Variants in NLGN1 observed in about 807,000 individuals in gnomAD.
NLGN1 encodes neuroligin-1.
In NLGN1, 12 loss-of-function variants were observed where a neutral mutation model predicts 65.5. That is an observed-to-expected ratio of 0.18 (90% CI 0.12 to 0.30). NLGN1 has a LOEUF of 0.30. NLGN1 is among the 10% of genes least tolerant of loss of function. NLGN1 has a pLI of 1.00. For missense variants in NLGN1, 750 were observed against 1,007.1 expected, an observed-to-expected ratio of 0.74 and a Z score of 3.46; for synonymous variants, 350 against 359.5, an observed-to-expected ratio of 0.97 and a Z score of 0.30.
chr3:173,947,978 A>G (rs1231069085), intron 4 of NLGN1, among the ~76,000 whole-genome samples: 2 of 152,236 alleles, frequency 1.3e-5, no homozygotes, highest in African/African-American at 2.4e-5. Flanking sequence ...ATGGTAAAAT[A>G]GCTAACCATG....
intron 4 of NLGN1, among the ~76,000 whole-genome samples, chr3:174,256,255 G>T (rs1030512870): frequency 2.0e-5 from 3 of 152,172 alleles, no homozygotes; most frequent in African/African-American, 7.2e-5. Context: ...AATACACCCA[G>T]TGACAACTTG....
At chr3:173,506,299 A>T (rs939673826) in intron 2 of NLGN1, among the ~76,000 whole-genome samples, 7 of 152,076 alleles carry the variant, frequency 4.6e-5, no homozygotes, top group Non-Finnish European at 2.9e-5. Context: ...TATATTTCAG[A>T]TTTTAACGAA....
intron 2 of NLGN1, among the ~76,000 whole-genome samples, chr3:173,554,568 G>C (rs1741412313): frequency 6.6e-6 from 1 of 152,290 alleles, no homozygotes; most frequent in South Asian, 2.1e-4. Context: ...AATGAATTGT[G>C]TTTGACTTCT....
intron 3 of NLGN1, among the ~76,000 whole-genome samples, chr3:173,720,705 G>A (rs1191494276): frequency 6.6e-6 from 1 of 152,068 alleles, no homozygotes; most frequent in Non-Finnish European, 1.5e-5. Flanking sequence ...CTCTCCATTT[G>A]AATCTCCCTA....
At chr3:173,863,305 G>T (rs1487409307) in intron 4 of NLGN1, among the ~76,000 whole-genome samples, 1 of 151,906 alleles carries the variant, frequency 6.6e-6, no homozygotes, top group African/African-American at 2.4e-5. Context: ...TGCTGTCTTT[G>T]TGGTTCATAT....
intron 4 of NLGN1, among the ~76,000 whole-genome samples, chr3:173,952,466 A>G (rs1166462597): frequency 6.6e-6 from 1 of 152,200 alleles, no homozygotes; most frequent in Non-Finnish European, 1.5e-5. Context: ...TTTTTCAGTT[A>G]TAGAAGCTAA....
intron 2 of NLGN1, among the ~76,000 whole-genome samples, chr3:173,576,888 C>G (rs6804864): frequency 0.51 from 76,893 of 151,938 alleles, 19,970 homozygotes; most frequent in East Asian, 0.83. Context: ...TTAAATTTTG[C>G]TTGTGGTCCA....
intron 4 of NLGN1, among the ~76,000 whole-genome samples, chr3:173,870,578 T>C (rs111569595): frequency 1.6e-4 from 25 of 152,274 alleles, no homozygotes; most frequent in African/African-American, 5.5e-4. Context: ...GATGAGAAAT[T>C]TATCTGGCTC....
chr3:173,534,954 A>G (rs1172099397), intron 2 of NLGN1, among the ~76,000 whole-genome samples: 1 of 152,232 alleles, frequency 6.6e-6, no homozygotes, highest in African/African-American at 2.4e-5. Flanking sequence ...ATTAGTAAGC[A>G]GCTGTTATGT....
intron 4 of NLGN1, among the ~76,000 whole-genome samples, chr3:173,867,752 C>T (rs1426239279): frequency 6.6e-6 from 1 of 151,798 alleles, no homozygotes; most frequent in African/African-American, 2.4e-5. Flanking sequence ...CACATTTGTC[C>T]CCTACAAAAA....
intron 2 of NLGN1, among the ~76,000 whole-genome samples, chr3:173,443,349 T>A (rs552167911): frequency 2.7e-5 from 4 of 148,710 alleles, no homozygotes; most frequent in African/African-American, 9.8e-5. Flanking sequence ...TGACTATATA[T>A]ATAGTCATAA....
intron 4 of NLGN1, among the ~76,000 whole-genome samples, chr3:173,821,370 TAGG>T (rs1370093216): frequency 6.6e-6 from 1 of 152,142 alleles, no homozygotes; most frequent in Non-Finnish European, 1.5e-5. Context: ...TCACCATAAT[TAGG>T]AGCAATTTTC....
intron 4 of NLGN1, among the ~76,000 whole-genome samples, chr3:174,004,879 C>T (rs1440291552): frequency 6.6e-6 from 1 of 152,030 alleles, no homozygotes; most frequent in Non-Finnish European, 1.5e-5. Context: ...TCAATCATAA[C>T]ATCATTTTAC....
chr3:173,708,978 T>C (rs1040275482), intron 3 of NLGN1, among the ~76,000 whole-genome samples: 1 of 152,196 alleles, frequency 6.6e-6, no homozygotes, highest in Admixed American at 6.5e-5. Context: ...TGTGGTATTA[T>C]TTCCTTCTTG....
intron 3 of NLGN1, among the ~76,000 whole-genome samples, chr3:173,742,397 T>C (rs1351188950): frequency 2.3e-5 from 3 of 131,480 alleles, no homozygotes. Context: ...TAAAATACTT[T>C]GTTTTCCTTA....
At chr3:174,259,498 T>TA (rs890237432) in intron 4 of NLGN1, among the ~76,000 whole-genome samples, 12 of 152,026 alleles carry the variant, frequency 7.9e-5, no homozygotes, top group East Asian at 1.9e-4. Context: ...TATTAGCAAT[T>TA]AAAAAAAATC....
At chr3:174,292,974 TCA>T in the NLGN1 span, among the ~76,000 whole-genome samples, 1 of 151,440 alleles carries the variant, frequency 6.6e-6, no homozygotes, top group Non-Finnish European at 1.5e-5. Context: ...TCAGAAAAAT[TCA>T]CACGATTTAA....
intron 3 of NLGN1, among the ~76,000 whole-genome samples, chr3:173,686,426 T>G (rs1764694793): frequency 6.6e-6 from 1 of 152,170 alleles, no homozygotes; most frequent in Non-Finnish European, 1.5e-5. Context: ...AGAATTACTG[T>G]ATCAAAGTTT....
intron 4 of NLGN1, among the ~76,000 whole-genome samples, chr3:174,248,443 T>C (rs1270972460): frequency 2.6e-5 from 4 of 152,166 alleles, no homozygotes; most frequent in East Asian, 3.8e-4. Context: ...TAGGGATGCA[T>C]TGCATAATAA....
Sources: allele counts gnomAD v4.1 joint callset (sites outside exome capture counted in the v4.1 genomes callset), GRCh38; gene constraint gnomAD v4.1.1; transcripts MANE v1.5; gene names NCBI Gene and HGNC (gene_info 2026-07-23, HGNC 2026-07-21).